The following CADM2 variants were observed in gnomAD, a reference collection of about 807,000 sequenced individuals.
The protein encoded by CADM2 is cell adhesion molecule 2, also known as immunoglobulin superfamily member 4D.
A neutral mutation model predicts 49.8 loss-of-function variants in CADM2; 12 were observed. That is an observed-to-expected ratio of 0.24 (90% CI 0.15 to 0.39). The LOEUF (loss-of-function observed/expected upper bound fraction) is 0.39, where lower values mean the gene tolerates loss of function less well. Ranked by LOEUF, CADM2 falls within the 10% of genes least tolerant of loss-of-function variation. CADM2 has a pLI of 1.00. For synonymous variants in CADM2, 214 were observed against 175.4 expected, an observed-to-expected ratio of 1.22 and a Z score of -1.74; for missense variants, 378 against 492.3, an observed-to-expected ratio of 0.77 and a Z score of 2.20.
chr3:85,205,740 GA>G (rs960348712), intron 1 of CADM2, among the ~76,000 whole-genome samples: 10 of 150,288 alleles, frequency 6.7e-5, no homozygotes, highest in East Asian at 2.0e-4. Context: ...ATGCTCACCA[GA>G]AAAAAAAAGA....
intron 7 of CADM2, among the ~76,000 whole-genome samples, chr3:85,942,413 C>T (rs1424361466): frequency 6.6e-6 from 1 of 151,682 alleles, no homozygotes; most frequent in Non-Finnish European, 1.5e-5. Flanking sequence ...ATAAATGTGC[C>T]ATGCTGGTGC....
chr3:84,979,924 A>G (rs1309557137), intron 1 of CADM2, among the ~76,000 whole-genome samples: 1 of 152,206 alleles, frequency 6.6e-6, no homozygotes, highest in Non-Finnish European at 1.5e-5. Context: ...AGAAAACGTC[A>G]TGAAACCAGT....
intron 1 of CADM2, among the ~76,000 whole-genome samples, chr3:85,573,316 C>G (rs1334327952): frequency 6.6e-6 from 1 of 151,932 alleles, no homozygotes; most frequent in Non-Finnish European, 1.5e-5. Context: ...CCTCAGCCTC[C>G]CAAGAAGTTA....
intron 1 of CADM2, among the ~76,000 whole-genome samples, chr3:85,688,684 C>T (rs973096786): frequency 6.6e-5 from 10 of 151,744 alleles, no homozygotes; most frequent in African/African-American, 2.4e-4. Context: ...TCTTCTGCCT[C>T]AGCCTCCCAA....
chr3:85,756,357 G>T (rs545552984), intron 2 of CADM2, among the ~76,000 whole-genome samples: 3 of 152,012 alleles, frequency 2.0e-5, no homozygotes, highest in Non-Finnish European at 4.4e-5. Flanking sequence ...ACCAAATTAG[G>T]CAATGATTAA....
intron 1 of CADM2, among the ~76,000 whole-genome samples, chr3:85,677,601 TAAAG>T (rs1263284572): frequency 1.3e-5 from 2 of 152,092 alleles, no homozygotes; most frequent in Admixed American, 6.5e-5. Flanking sequence ...ATAGATAAAA[TAAAG>T]AATTATTTTT....
chr3:85,404,276 G>A (rs1576492122), intron 1 of CADM2, among the ~76,000 whole-genome samples: 3 of 151,852 alleles, frequency 2.0e-5, no homozygotes, highest in Admixed American at 2.0e-4. Flanking sequence ...CCTTCACTTT[G>A]TGAGATGACT....
intron 7 of CADM2, among the ~76,000 whole-genome samples, chr3:85,958,497 T>G (rs1358889504): frequency 1.3e-5 from 2 of 151,916 alleles, no homozygotes; most frequent in Non-Finnish European, 2.9e-5. Context: ...CACAAATTCC[T>G]CAAGGATCTA....
At chr3:84,976,674 T>C (rs149911031) in intron 1 of CADM2, among the ~76,000 whole-genome samples, 15 of 152,018 alleles carry the variant, frequency 9.9e-5, no homozygotes, top group African/African-American at 3.6e-4. Flanking sequence ...TATACATTTT[T>C]ATAATATCCT....
At chr3:85,004,396 G>A (rs946055174) in intron 1 of CADM2, among the ~76,000 whole-genome samples, 8 of 151,938 alleles carry the variant, frequency 5.3e-5, no homozygotes, top group African/African-American at 1.9e-4. Flanking sequence ...TTTGTTTTAA[G>A]CACTTAGAAG....
At chr3:85,055,897 C>T (rs141867383) in intron 1 of CADM2, among the ~76,000 whole-genome samples, 2 of 152,088 alleles carry the variant, frequency 1.3e-5, no homozygotes, top group East Asian at 1.9e-4. Flanking sequence ...ATGTTATTGA[C>T]ATACTCTGTA....
At chr3:85,897,566 G>A (rs1577598588) in intron 5 of CADM2, among the ~76,000 whole-genome samples, 1 of 151,918 alleles carries the variant, frequency 6.6e-6, no homozygotes, top group East Asian at 1.9e-4. Flanking sequence ...ACCGCGCCCG[G>A]CCTAACCTAC....
intron 1 of CADM2, among the ~76,000 whole-genome samples, chr3:85,088,955 C>T (rs553531435): frequency 3.2e-4 from 49 of 152,050 alleles, no homozygotes; most frequent in African/African-American, 1.0e-3. Flanking sequence ...TTAGTAGGCA[C>T]GGGAAGTATA....
chr3:85,549,126 G>A (rs1015845980), intron 1 of CADM2, among the ~76,000 whole-genome samples: 11 of 152,216 alleles, frequency 7.2e-5, no homozygotes, highest in African/African-American at 1.9e-4. Flanking sequence ...GTCTCAAGGG[G>A]TCAGTATTAG....
chr3:85,876,983 C>A (rs1175918789), intron 3 of CADM2, among the ~76,000 whole-genome samples: 5 of 152,026 alleles, frequency 3.3e-5, no homozygotes, highest in Non-Finnish European at 7.4e-5. Flanking sequence ...TTAAAACCAA[C>A]GGTGTATTGG....
At chr3:85,656,603 G>A (rs1022909284) in intron 1 of CADM2, among the ~76,000 whole-genome samples, 3 of 152,002 alleles carry the variant, frequency 2.0e-5, no homozygotes, top group Non-Finnish European at 4.4e-5. Context: ...GTGACAGGGC[G>A]AGATTCCATC....
At chr3:85,648,764 C>T (rs1042787516) in intron 1 of CADM2, among the ~76,000 whole-genome samples, 2 of 151,942 alleles carry the variant, frequency 1.3e-5, no homozygotes, top group East Asian at 1.9e-4. Context: ...ATTACAAGAG[C>T]GTTAACATCT....
At chr3:85,655,624 T>C (rs916442930) in intron 1 of CADM2, among the ~76,000 whole-genome samples, 9 of 152,324 alleles carry the variant, frequency 5.9e-5, no homozygotes, top group Middle Eastern at 3.4e-3. Flanking sequence ...GTGAGAATTC[T>C]TGTACAGATG....
chr3:85,083,307 C>T (rs2037242926), intron 1 of CADM2, among the ~76,000 whole-genome samples: 1 of 152,164 alleles, frequency 6.6e-6, no homozygotes. Flanking sequence ...AAGGGGAGCT[C>T]TAACCTGCAC....
Sources: allele counts gnomAD v4.1 joint callset (sites outside exome capture counted in the v4.1 genomes callset), GRCh38; gene constraint gnomAD v4.1.1; transcripts MANE v1.5; gene names NCBI Gene and HGNC (gene_info 2026-07-23, HGNC 2026-07-21).